The following USP9Y variants were observed in gnomAD, a reference collection of about 807,000 sequenced individuals.
The protein encoded by USP9Y is ubiquitin carboxyl-terminal hydrolase 9Y.
Under a neutral mutation model 53.1 loss-of-function variants are expected in USP9Y, and 41 were observed. That is an observed-to-expected ratio of 0.77 (90% CI 0.60 to 1.00). USP9Y has a LOEUF of 1.00. USP9Y is among the 50% of genes least tolerant of loss of function. The probability of loss-of-function intolerance (pLI) is 0.00; values close to 1 mark genes in which losing one functional copy is unlikely to be tolerated. For synonymous variants in USP9Y, 220 were observed against 173.7 expected, an observed-to-expected ratio of 1.27 and a Z score of -2.09; for missense variants, 567 against 535.8, an observed-to-expected ratio of 1.06 and a Z score of -0.58.
In USP9Y at chrY:12,810,673, G is replaced by A; in HGVS notation, c.4094G>A (p.Ser1365Asn). ...TGTTGTTTTAATTTAATATTTCAGA[G>A]CACAGCAAGAGAGAAGGGTAAATAT... ...FITLLFTILG[S>N]TAREKGKYSG... Residue 1365 changes from serine (S) to asparagine (N), a missense_variant and splice_region_variant, in exon 29 of 46, where the codon AGC becomes AAC. Coordinates refer to ENST00000338981, the MANE Select transcript of USP9Y (RefSeq NM_004654.4). 2.5e-6 allele frequency: 1 copy of A among 394,947 alleles called. No individual in the cohort carries two copies.
intron 33 of USP9Y, among the ~76,000 whole-genome samples, chrY:12,823,371 A>T: frequency 3.0e-5 from 1 of 33,175 alleles, no homozygotes; most frequent in South Asian, 6.7e-4. Flanking sequence ...TACTGTGTCA[A>T]ATAGAAGTGG....
chrY:12,837,150 A>G, intron 34 of USP9Y, among the ~76,000 whole-genome samples: 1 of 32,159 alleles, frequency 3.1e-5, no homozygotes, highest in Admixed American at 2.9e-4. Context: ...ACAAAAAACA[A>G]AACAAAAAAC....
chrY:12,847,603 A>C (rs2053568069), intron 42 of USP9Y, among the ~76,000 whole-genome samples: 1 of 30,820 alleles, frequency 3.2e-5, no homozygotes, highest in Admixed American at 3.0e-4. Context: ...TACATTAGCT[A>C]TTTCTCCTAA....
intron 27 of USP9Y, among the ~76,000 whole-genome samples, chrY:12,793,878 T>C: frequency 3.0e-5 from 1 of 33,300 alleles, no homozygotes; most frequent in Non-Finnish European, 7.4e-5. Context: ...ATACTAGATG[T>C]TGTTTATACA....
chrY:12,801,285 A>G (rs2053519167), intron 27 of USP9Y, among the ~76,000 whole-genome samples: 1 of 33,907 alleles, frequency 2.9e-5, no homozygotes, highest in Non-Finnish European at 7.3e-5. Flanking sequence ...AAGAAGTTTT[A>G]TTCTAGAGTG....
At chrY:12,777,042 A>G (rs2053493160) in intron 19 of USP9Y, among the ~76,000 whole-genome samples, 182 bp downstream of exon 19, 1 of 33,412 alleles carries the variant, frequency 3.0e-5, no homozygotes, top group Non-Finnish European at 7.4e-5. Flanking sequence ...TTGATAGGGT[A>G]CATTTTTATT....
chrY:12,759,524 C>T (rs2053472840), intron 14 of USP9Y, among the ~76,000 whole-genome samples: 2 of 32,618 alleles, frequency 6.1e-5, no homozygotes, highest in African/African-American at 1.2e-4. Context: ...GGTGAAACCC[C>T]GTCTCTACTA....
Position 12,758,565 on chromosome Y carries a change from T to C in USP9Y, c.1689T>C (p.Asn563=), listed in dbSNP as rs2148283902. Residue 563 remains asparagine (N), a synonymous_variant, in exon 14 of 46, where the codon AAT becomes AAC. Coordinates refer to ENST00000338981, the MANE Select transcript of USP9Y (RefSeq NM_004654.4). ...ACTTTATAGAAGAACTTCGCACAAA[T>C]GACAAGTGGGTAATTCCTGCTCTGA... is the stretch of plus-strand genomic sequence containing the variant. ...IDHFIEELRT[N]DKWVIPALKQ... is the part of the protein sequence containing the mutation. 2.6e-6 allele frequency: 1 copy of C among 386,126 alleles called. No individual in the cohort carries two copies. The highest frequency in any genetic ancestry group is 3.6e-6 in the Non-Finnish European group (1 of 274,444).
intron 7 of USP9Y, among the ~76,000 whole-genome samples, chrY:12,734,727 T>A (rs2053449922): frequency 3.0e-5 from 1 of 33,534 alleles, no homozygotes; most frequent in Non-Finnish European, 7.3e-5. Context: ...ATTTTCCACA[T>A]GTCCTGAATA....
intron 41 of USP9Y, 33 bp from the exon 42 acceptor site, chrY:12,847,206 A>C (rs1277691918): frequency 2.6e-6 from 1 of 384,964 alleles, no homozygotes; most frequent in Non-Finnish European, 3.7e-6. Context: ...TTTTTTAAAA[A>C]TACATAATTC....
chrY:12,774,167 A>G (rs2053489738), intron 17 of USP9Y, among the ~76,000 whole-genome samples: 1 of 32,685 alleles, frequency 3.1e-5, no homozygotes, highest in Non-Finnish European at 7.5e-5. Flanking sequence ...TTTCAGATGT[A>G]TAGAATTATA....
chrY:12,843,543 A>G (rs2053564125), intron 39 of USP9Y, among the ~76,000 whole-genome samples: 1 of 32,992 alleles, frequency 3.0e-5, no homozygotes, highest in African/African-American at 1.2e-4. Flanking sequence ...CCATATTTCT[A>G]AAGGACCCCA....
chrY:12,732,938 G>GCCTT (rs2053448188), intron 7 of USP9Y, among the ~76,000 whole-genome samples: 1 of 31,927 alleles, frequency 3.1e-5, no homozygotes, highest in Non-Finnish European at 7.6e-5. Context: ...TTGAGACAGA[G>GCCTT]CCTTACTCTG....
chrY:12,769,586 TGTC>T (rs2053483709), intron 15 of USP9Y, among the ~76,000 whole-genome samples: 1 of 34,106 alleles, frequency 2.9e-5, no homozygotes, highest in East Asian at 7.7e-4. Flanking sequence ...GTATTTCAAC[TGTC>T]TTCTGTTTAA....
At chrY:12,810,318 T>C (rs1236453234) in intron 28 of USP9Y, 31 bp downstream of exon 28, 1 of 336,303 alleles carries the variant, frequency 3.0e-6, no homozygotes, top group Non-Finnish European at 4.4e-6. Flanking sequence ...CTTATCAATA[T>C]AATGCATTCT....
intron 12 of USP9Y, among the ~76,000 whole-genome samples, chrY:12,744,056 T>C (rs1603197372): frequency 5.9e-5 from 2 of 33,948 alleles, no homozygotes; most frequent in East Asian, 1.5e-3. Context: ...TTCTTTGTCC[T>C]GTGTCCAAGA....
intron 12 of USP9Y, among the ~76,000 whole-genome samples, chrY:12,743,366 C>T: frequency 3.1e-5 from 1 of 32,768 alleles, no homozygotes; most frequent in Non-Finnish European, 7.5e-5. Context: ...CTGCCTCAGC[C>T]TCCCAAGTAG....
intron 7 of USP9Y, among the ~76,000 whole-genome samples, chrY:12,732,728 C>A (rs2053448033): frequency 3.1e-5 from 1 of 32,261 alleles, no homozygotes; most frequent in Non-Finnish European, 7.6e-5. Flanking sequence ...CTCAGGTCAT[C>A]TGCCTGCCTT....
At chrY:12,825,666 C>T (rs1055166066) in intron 33 of USP9Y, among the ~76,000 whole-genome samples, 3 of 32,602 alleles carry the variant, frequency 9.2e-5, no homozygotes, top group Non-Finnish European at 1.5e-4. Flanking sequence ...GAAAAGCTCT[C>T]GTGTTTAATA....
Sources: gnomAD v4.1 joint callset for allele counts (sites outside exome capture counted in the v4.1 genomes callset) on GRCh38, gnomAD v4.1.1 for gene constraint, MANE v1.5 for transcripts, NCBI Gene and HGNC (gene_info 2026-07-23, HGNC 2026-07-21) for gene names.